The following HERC3 variants were observed in gnomAD, a reference collection of about 807,000 sequenced individuals.
HERC3 encodes HECT and RLD domain containing E3 ubiquitin protein ligase 3, also known as probable E3 ubiquitin-protein ligase HERC3.
In HERC3, 58 loss-of-function variants were observed where a neutral mutation model predicts 129.9. The observed-to-expected ratio is 0.45, with a 90% confidence interval of 0.36 to 0.56. The LOEUF is 0.56. Ranked by LOEUF, HERC3 falls within the 20% of genes least tolerant of loss-of-function variation. HERC3 has a pLI of 0.00. For missense variants in HERC3, 835 were observed against 1,244.2 expected, an observed-to-expected ratio of 0.67 and a Z score of 4.95; for synonymous variants, 430 against 451.0, an observed-to-expected ratio of 0.95 and a Z score of 0.59.
At chr4:88,612,819 G>A (rs1237611469) in intron 3 of HERC3, among the ~76,000 whole-genome samples, 1 of 151,936 alleles carries the variant, frequency 6.6e-6, no homozygotes, top group Admixed American at 6.6e-5. Flanking sequence ...AATAAAGCAA[G>A]CAAACAAAAC....
chr4:88,656,186 A>G (rs1489985492), intron 9 of HERC3, 151 bp downstream of exon 9: 8 of 704,280 alleles, frequency 1.1e-5, no homozygotes, highest in Non-Finnish European at 1.9e-5. Context: ...TGTACTTACT[A>G]TGCATGAAGC....
At chr4:88,579,857 A>C in the HERC3 span, among the ~76,000 whole-genome samples, 1 of 152,206 alleles carries the variant, frequency 6.6e-6, no homozygotes, top group African/African-American at 2.4e-5. Flanking sequence ...AGTCGAAGTT[A>C]GGAGAAGGTG....
chr4:88,565,510 T>C, the HERC3 span, among the ~76,000 whole-genome samples: 1 of 152,200 alleles, frequency 6.6e-6, no homozygotes, highest in Non-Finnish European at 1.5e-5. Context: ...TTATAGTTTT[T>C]GTCTTGAAAT....
In HERC3 at chr4:88,704,398, G is replaced by A. The variant is rs1482199391; in HGVS notation, c.2842-110G>A. 3.2e-6 allele frequency: 4 copies of A among 1,231,810 alleles called. No homozygotes were observed. In the Admixed American group the frequency reaches 5.5e-5, roughly 17 times the overall value. The allele number at this position is 1,231,810 out of a possible 1,614,324, so 76.3% of individuals were successfully genotyped here. A position where few individuals can be genotyped will look rare whatever the true frequency, so the allele number is the denominator to read the frequency against. ...TACTGTGGTTGAGTTAGATTTAGAG[G>A]TGTCCTGTATCTCAGCACTTATTTC... On this transcript the variant is annotated intron_variant, in intron 24 of 25. Transcript: ENST00000402738.
chr4:88,567,928 G>A, the HERC3 span, among the ~76,000 whole-genome samples: 1 of 152,056 alleles, frequency 6.6e-6, no homozygotes, highest in Non-Finnish European at 1.5e-5. Flanking sequence ...ATCTTTCTTG[G>A]GAAGGCTTGC....
chr4:88,589,943 T>A (rs574128857), upstream of HERC3, among the ~76,000 whole-genome samples: 4 of 152,312 alleles, frequency 2.6e-5, no homozygotes, highest in South Asian at 8.3e-4. Flanking sequence ...TTGATAACCA[T>A]CCTTTTCCTC....
Position 88,662,540 on chromosome 4 carries a change from A to G in HERC3, c.1256A>G (p.Asn419Ser), listed in dbSNP as rs192848752. The change falls in exon 11 of 26, where the codon AAT becomes AGT. Residue 419 changes from asparagine (N) to serine (S), a missense_variant. By Grantham distance (46) the Asn-to-Ser change is conservative (BLOSUM62 1). Coordinates refer to ENST00000402738, the MANE Select transcript of HERC3 (RefSeq NM_014606.3). ...VWRQKLSEHN[N>S]ANTINGVVQI... ...AGACAAAAACTCTCAGAACACAACA[A>G]TGCAAATACAATCAAGTATGTGGCT... 7.5e-5 allele frequency: 120 copies of G among 1,608,302 alleles called. No homozygotes were observed. Among genetic ancestry groups the G allele is most frequent in the Admixed American group, 3.4e-5 (2 of 58,550 alleles).
At chr4:88,686,499 CTAA>C (rs1214777702) in intron 21 of HERC3, among the ~76,000 whole-genome samples, 5 of 152,272 alleles carry the variant, frequency 3.3e-5, no homozygotes, top group African/African-American at 9.6e-5. Context: ...CTTTTCAAGT[CTAA>C]TAAGATTTGT....
At chr4:88,650,502 A>G (rs1313485373) in intron 4 of HERC3, among the ~76,000 whole-genome samples, 1 of 152,240 alleles carries the variant, frequency 6.6e-6, no homozygotes, top group African/African-American at 2.4e-5. Flanking sequence ...ATTCACTTAA[A>G]TCTAAACCTT....
At chr4:88,538,051 A>G in the HERC3 span, among the ~76,000 whole-genome samples, 1 of 152,236 alleles carries the variant, frequency 6.6e-6, no homozygotes, top group African/African-American at 2.4e-5. Context: ...CCTTACTCTC[A>G]GCCTCTTTGT....
At chr4:88,579,850 C>T in the HERC3 span, among the ~76,000 whole-genome samples, 7 of 151,926 alleles carry the variant, frequency 4.6e-5, no homozygotes, top group Admixed American at 3.3e-4. Context: ...TCAGGAGAGT[C>T]GAAGTTAGGA....
At chr4:88,674,786 T>A (rs1731987510) in intron 16 of HERC3, among the ~76,000 whole-genome samples, 1 of 152,192 alleles carries the variant, frequency 6.6e-6, no homozygotes, top group Admixed American at 6.5e-5. Context: ...ATGCAGGATT[T>A]CATACCTGAT....
chr4:88,697,331 C>T (rs192140588), intron 23 of HERC3: 8 of 1,613,932 alleles, frequency 5.0e-6, no homozygotes, highest in Non-Finnish European at 5.9e-6. Flanking sequence ...TCGTACTCCT[C>T]TTCCTCCTCC....
chr4:88,595,100 C>CAAAA lies in HERC3; in HGVS notation c.-87-437_-87-434dup, dbSNP rs758727600. Among the ~76,000 whole-genome samples, 410 of 60,048 alleles carry CAAAA rather than the reference C, an allele frequency of 6.8e-3. 11 individuals carry two copies. The highest frequency in any genetic ancestry group is 0.026 in the African/African-American group (346 of 13,090). 39.4% of individuals were successfully genotyped at this position (60,048 alleles called of 152,430 possible). A position where few individuals can be genotyped will look rare whatever the true frequency, so the allele number is the denominator to read the frequency against. ...TGGGTGAAAGAGCCAGACTCTGTCT[C>CAAAA]AAAAAAAAAAAAAAAAAAAAAAAGA... On this transcript the variant is annotated intron_variant, in intron 1 of 25. Coordinates refer to ENST00000402738, the MANE Select transcript of HERC3 (RefSeq NM_014606.3).
At chr4:88,697,857 C>T (rs1734821587) in intron 23 of HERC3, 11 of 1,463,914 alleles carry the variant, frequency 7.5e-6, no homozygotes, top group Admixed American at 2.5e-5. Context: ...CGGTGACGTG[C>T]GGCCGCGGGA....
At chr4:88,700,528 C>G (rs1735223600) in intron 23 of HERC3, among the ~76,000 whole-genome samples, 2 of 152,156 alleles carry the variant, frequency 1.3e-5, no homozygotes, top group Non-Finnish European at 2.9e-5. Flanking sequence ...TAAGTGAAAT[C>G]TAGGTTTTTC....
At chr4:88,547,476 A>G in the HERC3 span, among the ~76,000 whole-genome samples, 1 of 152,204 alleles carries the variant, frequency 6.6e-6, no homozygotes, top group Non-Finnish European at 1.5e-5. Context: ...TATCGCAGAA[A>G]GGGATTACAT....
chr4:88,633,936 A>G (rs1323189836), intron 3 of HERC3, among the ~76,000 whole-genome samples: 1 of 152,212 alleles, frequency 6.6e-6, no homozygotes, highest in Non-Finnish European at 1.5e-5. Context: ...TTAAATGGTC[A>G]ATTCGAGGGG....
intron 21 of HERC3, among the ~76,000 whole-genome samples, chr4:88,684,624 G>A (rs1028280698): frequency 8.5e-5 from 13 of 152,086 alleles, no homozygotes; most frequent in African/African-American, 2.4e-4. Context: ...TTGACAAATC[G>A]GATCTAATCG....
Sources: allele counts gnomAD v4.1 joint callset (sites outside exome capture counted in the v4.1 genomes callset), GRCh38; gene constraint gnomAD v4.1.1; transcripts MANE v1.5; gene names NCBI Gene and HGNC (gene_info 2026-07-23, HGNC 2026-07-21).